The following CTNNA3 variants were observed in gnomAD, a reference collection of about 807,000 sequenced individuals.
CTNNA3 encodes the protein catenin alpha 3, also known as catenin alpha-3.
A neutral mutation model predicts 95.7 loss-of-function variants in CTNNA3; 76 were observed. The observed-to-expected ratio is 0.79, with a 90% CI of 0.66 to 0.96. The LOEUF is 0.96. Among genes scored for constraint, CTNNA3 ranks in the 40% least tolerant of loss-of-function variants. The pLI is 0.00. For synonymous variants in CTNNA3, 431 were observed against 374.4 expected, an observed-to-expected ratio of 1.15 and a Z score of -1.74; for missense variants, 1,191 against 1,089.8, an observed-to-expected ratio of 1.09 and a Z score of -1.31.
At chr10:66,031,245 T>C (rs1404364957) in intron 15 of CTNNA3, among the ~76,000 whole-genome samples, 2 of 152,090 alleles carry the variant, frequency 1.3e-5, no homozygotes, top group Non-Finnish European at 2.9e-5. Flanking sequence ...CAAAAAGACA[T>C]GTGCACTCAT....
At chr10:67,555,339 T>A (rs1353761081) in intron 3 of CTNNA3, among the ~76,000 whole-genome samples, 2 of 152,216 alleles carry the variant, frequency 1.3e-5, no homozygotes, top group Non-Finnish European at 2.9e-5. Context: ...ATAAATTACC[T>A]TGGGCAGTAT....
chr10:66,905,543 C>A lies in CTNNA3; in HGVS notation c.1048-130019G>T, dbSNP rs138645967. ...ATTTTTAAAAAATTGAAATCAAGAT[C>A]TTGAAGAGATATCTGCCCTCCCATG... is the stretch of plus-strand genomic sequence containing the variant. On this transcript the variant is annotated intron_variant, in intron 7 of 17. Coordinates refer to ENST00000433211, the MANE Select transcript of CTNNA3 (RefSeq NM_013266.4). 2.0e-5 allele frequency among the ~76,000 whole-genome samples: 3 copies of A among 152,064 alleles called. No homozygotes were observed. The East Asian group carries it at 5.8e-4, about 29-fold the overall frequency.
At chr10:67,573,466 GAC>G (rs926619859) in intron 3 of CTNNA3, among the ~76,000 whole-genome samples, 27 of 152,092 alleles carry the variant, frequency 1.8e-4, no homozygotes, top group Non-Finnish European at 3.7e-4. Flanking sequence ...CAGACTATGA[GAC>G]AGAGAACAGG....
At chr10:67,341,819 A>G (rs2132616012) in intron 5 of CTNNA3, among the ~76,000 whole-genome samples, 1 of 152,256 alleles carries the variant, frequency 6.6e-6, no homozygotes, top group East Asian at 1.9e-4. Context: ...CCAAGAGTGT[A>G]CAATGACTCC....
At chr10:67,531,997 C>T (rs946587962) in intron 4 of CTNNA3, among the ~76,000 whole-genome samples, 4 of 152,114 alleles carry the variant, frequency 2.6e-5, no homozygotes, top group Non-Finnish European at 4.4e-5. Flanking sequence ...TCCTTGCCTT[C>T]TGCCATGATT....
At chr10:66,359,989 G>T (rs146608644) in intron 12 of CTNNA3, among the ~76,000 whole-genome samples, 4 of 151,938 alleles carry the variant, frequency 2.6e-5, no homozygotes, top group Admixed American at 6.6e-5. Flanking sequence ...ACCACACCTG[G>T]CTAATTTTTT....
chr10:66,166,453 C>G (rs532403105), intron 13 of CTNNA3, among the ~76,000 whole-genome samples: 2 of 149,134 alleles, frequency 1.3e-5, no homozygotes, highest in South Asian at 4.3e-4. Context: ...GAGATCGCAC[C>G]ACTGCACTGC....
At chr10:67,431,302 C>G (rs1846104647) in intron 5 of CTNNA3, among the ~76,000 whole-genome samples, 2 of 151,986 alleles carry the variant, frequency 1.3e-5, no homozygotes, top group African/African-American at 2.4e-5. Flanking sequence ...ATTCCCTTTG[C>G]AGTTTTCAGG....
chr10:67,394,303 A>C (rs1844637313), intron 5 of CTNNA3, among the ~76,000 whole-genome samples: 1 of 151,612 alleles, frequency 6.6e-6, no homozygotes, highest in Non-Finnish European at 1.5e-5. Context: ...TGAATATCAA[A>C]AAAAAAAAAA....
At chr10:66,158,579 T>C (rs2084676137) in intron 13 of CTNNA3, among the ~76,000 whole-genome samples, 1 of 152,152 alleles carries the variant, frequency 6.6e-6, no homozygotes. Context: ...AGTCAGGTAA[T>C]GTGAAGCCTC....
intron 5 of CTNNA3, among the ~76,000 whole-genome samples, chr10:67,484,128 G>A (rs1218422747): frequency 4.6e-5 from 7 of 152,238 alleles, no homozygotes; most frequent in African/African-American, 1.7e-4. Context: ...TACAAAAACA[G>A]TCACATAGAC....
chr10:66,636,986 C>T (rs1014133304), intron 9 of CTNNA3, among the ~76,000 whole-genome samples: 5 of 152,028 alleles, frequency 3.3e-5, no homozygotes, highest in Non-Finnish European at 5.9e-5. Flanking sequence ...AAAATGTTAG[C>T]TGGATAGTTT....
intron 1 of CTNNA3, among the ~76,000 whole-genome samples, chr10:67,662,987 C>T (rs1056883149): frequency 1.2e-4 from 19 of 152,248 alleles, no homozygotes; most frequent in African/African-American, 4.3e-4. Flanking sequence ...TATCCTTTGG[C>T]TCCAGGAGCT....
intron 7 of CTNNA3, among the ~76,000 whole-genome samples, chr10:66,829,640 A>G (rs947107949): frequency 6.6e-6 from 1 of 151,308 alleles, no homozygotes; most frequent in Admixed American, 6.6e-5. Context: ...TATATTATAC[A>G]GTGTTTCTCA....
At position 65,917,569 on chromosome 10, in the gene CTNNA3, C is replaced by A. The variant is rs2077022829; in HGVS notation, c.*2761G>T. On this transcript the variant is annotated 3_prime_UTR_variant, in exon 18 of 18. Transcript: ENST00000433211. ...TGGGTGGTAAACACCCCTCTCCTCC[C>A]TCTCAAGGAACGTTTTTCCCTATGT... 6.6e-6 allele frequency: 1 copy of A among 151,968 alleles called. No individual in the cohort carries two copies. Among genetic ancestry groups the A allele is most frequent in the African/African-American group, 2.4e-5 (1 of 41,392 alleles). 9.4% of individuals were successfully genotyped at this position (151,968 alleles called of 1,614,324 possible).
intron 8 of CTNNA3, among the ~76,000 whole-genome samples, chr10:66,770,104 A>T (rs1840029598): frequency 6.6e-6 from 1 of 152,206 alleles, no homozygotes; most frequent in African/African-American, 2.4e-5. Flanking sequence ...TTGTTCTGCC[A>T]TGCCCTGAAT....
In CTNNA3 at chr10:67,546,141, A is replaced by AT. The variant is rs200214676; in HGVS notation, c.293-6473dup. Among the ~76,000 whole-genome samples, 620 of 151,600 alleles carry AT rather than the reference A, an allele frequency of 4.1e-3. 4 individuals are homozygous for AT. The highest frequency in any genetic ancestry group is 0.014 in the African/African-American group (589 of 41,364). On this transcript the variant is annotated intron_variant, in intron 3 of 17. Coordinates refer to ENST00000433211, the MANE Select transcript of CTNNA3 (RefSeq NM_013266.4). ...TTTCATGTCATATTTAAATTTGACA[A>AT]TTTTTTTTTCTATGCAGGCTCTCAC...
chr10:67,735,335 A>G (rs1189560952), intron 1 of CTNNA3, among the ~76,000 whole-genome samples: 1 of 152,166 alleles, frequency 6.6e-6, no homozygotes, highest in East Asian at 1.9e-4. Flanking sequence ...ACAAAGAATA[A>G]GAGATAAAAG....
chr10:66,845,722 A>AAAAAAAAAAC (rs1843238032), intron 7 of CTNNA3, among the ~76,000 whole-genome samples: 1 of 127,018 alleles, frequency 7.9e-6, no homozygotes, highest in Non-Finnish European at 1.7e-5. Flanking sequence ...AAAAAAAAAA[A>AAAAAAAAAAC]AAAAAAACTA....
Sources: gnomAD v4.1 joint callset for allele counts (sites outside exome capture counted in the v4.1 genomes callset) on GRCh38, gnomAD v4.1.1 for gene constraint, MANE v1.5 for transcripts, NCBI Gene and HGNC (gene_info 2026-07-23, HGNC 2026-07-21) for gene names.